PARVB: variants seen among roughly 807,000 people sequenced by gnomAD.
PARVB encodes the protein parvin beta, also known as beta-parvin.
A neutral mutation model predicts 47.0 loss-of-function variants in PARVB; 46 were observed. The ratio of observed to expected loss-of-function variants is 0.98; its 90% CI spans 0.77 to 1.25. PARVB has a LOEUF of 1.25. Among genes scored for constraint, PARVB ranks in the 50% most tolerant of loss-of-function variants. PARVB has a pLI of 0.00. For synonymous variants in PARVB, 196 were observed against 196.3 expected (o/e 1.00, Z 0.01); for missense variants, 473 against 471.6 (o/e 1.00, Z -0.03).
At chr22:44,027,914 CATATATATATAT>C (rs3083338) in intron 1 of PARVB, among the ~76,000 whole-genome samples, 2 of 133,252 alleles carry the variant, frequency 1.5e-5, no homozygotes, top group African/African-American at 5.6e-5. Context: ...AAAAAAAAAC[CATATATATATAT>C]ATATATATAT....
chr22:44,006,449 C>T (rs1043171686), intron 2 of PARVB, among the ~76,000 whole-genome samples: 12 of 152,278 alleles, frequency 7.9e-5, no homozygotes, highest in South Asian at 4.1e-4. Flanking sequence ...AATAGTGAAA[C>T]GCTGTCTCTA....
At chr22:44,016,971 G>A (rs1019840836) in intron 2 of PARVB, among the ~76,000 whole-genome samples, 2 of 152,122 alleles carry the variant, frequency 1.3e-5, no homozygotes, top group Non-Finnish European at 2.9e-5. Flanking sequence ...TGCCTCCTGG[G>A]TTCAAGTGAT....
chr22:44,023,552 T>C (rs143745727), upstream of PARVB, among the ~76,000 whole-genome samples: 34,937 of 103,536 alleles, frequency 0.34, 4,987 homozygotes, highest in East Asian at 0.53. Flanking sequence ...TAAAATAAAA[T>C]AAAATAAAAT....
At chr22:44,137,282 G>T (rs1276708061) in intron 7 of PARVB, among the ~76,000 whole-genome samples, 1 of 152,230 alleles carries the variant, frequency 6.6e-6, no homozygotes, top group Non-Finnish European at 1.5e-5. Flanking sequence ...GGACAGTGGA[G>T]TGCAGGCTGA....
intron 1 of PARVB, among the ~76,000 whole-genome samples, chr22:44,061,525 A>G (rs1384995858): frequency 6.6e-6 from 1 of 152,200 alleles, no homozygotes; most frequent in Non-Finnish European, 1.5e-5. Context: ...CATTAAATAG[A>G]CCATGAAATG....
chr22:44,050,808 T>G (rs1007389646), intron 1 of PARVB, among the ~76,000 whole-genome samples: 4 of 152,218 alleles, frequency 2.6e-5, no homozygotes, highest in African/African-American at 9.6e-5. Context: ...TCACCTGTCT[T>G]GCAGTCTTAT....
At chr22:44,134,111 C>G (rs760757798) in intron 6 of PARVB, among the ~76,000 whole-genome samples, 3 of 152,146 alleles carry the variant, frequency 2.0e-5, no homozygotes, top group Non-Finnish European at 4.4e-5. Context: ...CCCGTGGTCT[C>G]TGTGGTCGGG....
chr22:44,013,397 C>T lies in PARVB; in HGVS notation c.211+13724C>T, dbSNP rs950119280. 8.5e-5 allele frequency among the ~76,000 whole-genome samples: 13 copies of T among 152,298 alleles called. No individual in the cohort carries two copies. The East Asian group carries it at 2.1e-3, about 25-fold the overall frequency. On this transcript the variant is annotated intron_variant, in intron 2 of 13. Transcript: ENST00000406477. ...CAGTGGAACGTCTGTTGACTTTTCA[C>T]GTTTGTGTACACTGTGTGACTACCA...
rs1185603405 is a variant in PARVB at position 44,003,051 on chromosome 22, C to T, written c.211+3378C>T. On this transcript the variant is annotated intron_variant, in intron 2 of 13. Transcript: ENST00000406477. ...GAAGTTTGACCAACTGTGAAAATTA[C>T]AGCCTTTCTTCCCCGTACTTCCCCC... 2.0e-5 allele frequency among the ~76,000 whole-genome samples: 3 copies of T among 152,148 alleles called. No individual in the cohort carries two copies. In the East Asian group the frequency reaches 5.8e-4, roughly 29 times the overall value.
At chr22:44,067,027 A>G (rs1358482168) in intron 1 of PARVB, among the ~76,000 whole-genome samples, 1 of 152,072 alleles carries the variant, frequency 6.6e-6, no homozygotes, top group Non-Finnish European at 1.5e-5. Flanking sequence ...GTTTTTGTAG[A>G]GACAGGGTCT....
At chr22:44,032,791 A>G (rs1365319707) in intron 1 of PARVB, among the ~76,000 whole-genome samples, 3 of 152,312 alleles carry the variant, frequency 2.0e-5, no homozygotes, top group African/African-American at 7.2e-5. Flanking sequence ...TGTGTTGAGA[A>G]GGATTCTGTG....
At position 44,049,129 on chromosome 22, in the gene PARVB, G is replaced by GAGATGAA. The variant is rs1269396578; in HGVS notation, c.112+24680_112+24686dup. 7.6e-4 allele frequency among the ~76,000 whole-genome samples: 116 copies of GAGATGAA among 152,268 alleles called. No homozygotes were observed. Among genetic ancestry groups the GAGATGAA allele is most frequent in the African/African-American group, 2.6e-3 (110 of 41,558 alleles). ...TCCTGTGCCACTTCCCCTGCAAAAT[G>GAGATGAA]AGATGAAAATGAGTCTCATTTTACG... On this transcript the variant is annotated intron_variant, in intron 1 of 12. Coordinates refer to ENST00000338758, the MANE Select transcript of PARVB (RefSeq NM_013327.5). This position sits in a 1 kb window ranked among gnomAD's most constrained non-coding sequence, Gnocchi z 4.0.
chr22:44,140,460 A>G (rs1397153848), intron 8 of PARVB: 1 of 668,568 alleles, frequency 1.5e-6, no homozygotes, highest in Non-Finnish European at 2.8e-6. Flanking sequence ...AGAGTGGTTG[A>G]GGGTAAAAGG....
chr22:44,132,781 C>T, intron 5 of PARVB, 113 bp from the exon 6 acceptor site: 1 of 670,054 alleles, frequency 1.5e-6, no homozygotes, highest in Non-Finnish European at 2.7e-6. Context: ...TCGCTCCATC[C>T]TTGTCTCGCT....
At chr22:44,030,252 G>A (rs1429028574) in intron 1 of PARVB, among the ~76,000 whole-genome samples, 1 of 152,254 alleles carries the variant, frequency 6.6e-6, no homozygotes, top group East Asian at 1.9e-4. Context: ...ACAGTTTGAG[G>A]GACAGGCAGA....
intron 1 of PARVB, among the ~76,000 whole-genome samples, chr22:44,067,737 T>TC (rs1440450862): frequency 2.0e-5 from 3 of 152,216 alleles, no homozygotes; most frequent in African/African-American, 7.2e-5. Context: ...GGGAACTGCA[T>TC]CAGAGCTGGG....
intron 1 of PARVB, among the ~76,000 whole-genome samples, chr22:44,054,463 G>A (rs78614984): frequency 0.014 from 2,135 of 152,118 alleles, 36 homozygotes; most frequent in South Asian, 0.073. Flanking sequence ...CAATCCTCCC[G>A]CCTTGGCCTC....
chr22:44,063,415 C>T (rs571563139), intron 1 of PARVB, among the ~76,000 whole-genome samples: 3 of 151,992 alleles, frequency 2.0e-5, no homozygotes, highest in South Asian at 2.1e-4. Flanking sequence ...TTATTAGAGA[C>T]GGGGTTTCAC....
chr22:44,071,677 G>A (rs2051657935), intron 1 of PARVB, among the ~76,000 whole-genome samples: 1 of 152,180 alleles, frequency 6.6e-6, no homozygotes, highest in African/African-American at 2.4e-5. Context: ...CGTGTCCTCT[G>A]TTGCAGTTGA....
Sources: allele counts gnomAD v4.1 joint callset (sites outside exome capture counted in the v4.1 genomes callset), GRCh38; gene constraint gnomAD v4.1.1; non-coding constraint Gnocchi (gnomAD v3.1); transcripts MANE v1.5; gene names NCBI Gene and HGNC (gene_info 2026-07-23, HGNC 2026-07-21).